ATP10D: variants seen among roughly 807,000 people sequenced by gnomAD.
ATP10D encodes phospholipid-transporting ATPase VD.
In ATP10D, 89 loss-of-function variants were observed where a neutral mutation model predicts 144.8. The observed-to-expected ratio is 0.61, with a 90% CI of 0.52 to 0.73. ATP10D has a LOEUF of 0.73. Ranked by LOEUF, ATP10D falls within the 30% of genes least tolerant of loss-of-function variation. The pLI is 0.00. For synonymous variants in ATP10D, 571 were observed against 615.1 expected, an observed-to-expected ratio of 0.93 and a Z score of 1.06; for missense variants, 1,603 against 1,714.8, an observed-to-expected ratio of 0.93 and a Z score of 1.15.
intron 9 of ATP10D, among the ~76,000 whole-genome samples, chr4:47,540,102 G>A (rs998679983): frequency 6.6e-6 from 1 of 152,142 alleles, no homozygotes; most frequent in Non-Finnish European, 1.5e-5. Flanking sequence ...AAACACATGT[G>A]TATACACACA....
chr4:47,514,636 A>G (rs985601591), intron 2 of ATP10D, among the ~76,000 whole-genome samples: 3 of 152,184 alleles, frequency 2.0e-5, no homozygotes, highest in Non-Finnish European at 4.4e-5. Context: ...TTGAATATAT[A>G]AAGTAGAAGA....
At chr4:47,525,730 T>A in intron 5 of ATP10D, 88 bp downstream of exon 5, 1 of 1,114,614 alleles carries the variant, frequency 9.0e-7, no homozygotes, top group Non-Finnish European at 1.3e-6. Flanking sequence ...TCTGTGCTTA[T>A]ACCCTTGTTA....
At position 47,512,671 on chromosome 4, in the gene ATP10D, C is replaced by G; in HGVS notation, c.131C>G (p.Pro44Arg). 6.2e-7 allele frequency: 1 copy of G among 1,614,170 alleles called. No individual in the cohort carries two copies. Among genetic ancestry groups the G allele is most frequent in the Non-Finnish European group, 8.5e-7 (1 of 1,180,024 alleles). ...LACGRKSSQT[P>R]KLSGRHRIVV... is the part of the protein sequence containing the mutation. ...TGTGGGCGCAAGTCCTCTCAGACCC[C>G]TAAACTGTCAGGAAGGCACCGGATT... The change falls in exon 2 of 23, where the codon CCT (proline) becomes CGT (arginine). Residue 44 changes from proline (P) to arginine (R), a missense_variant. Physicochemically the swap from Pro to Arg is moderately radical, Grantham distance 103. Coordinates refer to ENST00000273859, the MANE Select transcript of ATP10D (RefSeq NM_020453.4).
intron 4 of ATP10D, among the ~76,000 whole-genome samples, chr4:47,525,251 T>G (rs1291983309): frequency 6.6e-6 from 1 of 152,220 alleles, no homozygotes; most frequent in African/African-American, 2.4e-5. Flanking sequence ...AGTTTTTCAG[T>G]GCTTTATTGA....
intron 15 of ATP10D, among the ~76,000 whole-genome samples, chr4:47,567,372 A>G (rs1451186025): frequency 6.6e-6 from 1 of 152,204 alleles, no homozygotes; most frequent in Non-Finnish European, 1.5e-5. Context: ...AGAGTACAAA[A>G]CCCTTTATAA....
intron 11 of ATP10D, among the ~76,000 whole-genome samples, chr4:47,555,716 C>T (rs76482552): frequency 0.019 from 2,837 of 151,976 alleles, 91 homozygotes; most frequent in African/African-American, 0.065. Context: ...CAAAATATAC[C>T]GTATTGGATT....
At chr4:47,502,332 G>A (rs1459400216) in intron 1 of ATP10D, among the ~76,000 whole-genome samples, 1 of 152,136 alleles carries the variant, frequency 6.6e-6, no homozygotes, top group Non-Finnish European at 1.5e-5. Flanking sequence ...TTAGCTGGGC[G>A]TGGTGGCGGG....
At chr4:47,566,310 C>A (rs888408577) in intron 15 of ATP10D, among the ~76,000 whole-genome samples, 1 of 152,110 alleles carries the variant, frequency 6.6e-6, no homozygotes, top group African/African-American at 2.4e-5. Context: ...ATAGTCATAT[C>A]CTGTTTGTAA....
rs1716587958 is a variant in ATP10D at position 47,515,516 on chromosome 4, TG to T, written c.334del (p.Val112TyrfsTer4). 6.2e-7 allele frequency: 1 copy of T among 1,613,992 alleles called. No individual in the cohort carries two copies. Among genetic ancestry groups the T allele is most frequent in the Admixed American group, 1.7e-5 (1 of 60,022 alleles). On this transcript the variant is annotated frameshift_variant, in exon 3 of 23. Coordinates refer to ENST00000273859, the MANE Select transcript of ATP10D (RefSeq NM_020453.4). LOFTEE classifies it high-confidence loss of function. ...TTTCCTGTTCCTAGTTGTCCTGAAC[TG>T]GGTACCTTTGGTAGAAGCCTTCCAA... ...LYFLFLVVLNWVPLVEAFQKE... is the reference protein window; with the variant it reads ...LYFLFLVVLNXVPLVEAFQKE...
chr4:47,519,497 G>A (rs1716840454), intron 3 of ATP10D, among the ~76,000 whole-genome samples: 1 of 152,170 alleles, frequency 6.6e-6, no homozygotes, highest in African/African-American at 2.4e-5. Flanking sequence ...CCTCTTACTA[G>A]TTTTAATTAT....
At position 47,558,160 on chromosome 4, in the gene ATP10D, C is replaced by T. The variant is rs1391680586; in HGVS notation, c.2321C>T (p.Ser774Leu). The T allele has an allele frequency of 6.2e-7, 1 of 1,614,070 alleles. No individual in the cohort carries two copies. Among genetic ancestry groups the T allele is most frequent in the Non-Finnish European group, 8.5e-7 (1 of 1,180,054 alleles). ...CTCCTACACATCCTGCCCTTTGACTCAGTAAGAAAAAGAATGTCTGTTGTG... is the reference window on the plus strand; with the variant it reads ...CTCCTACACATCCTGCCCTTTGACTTAGTAAGAAAAAGAATGTCTGTTGTG... ...FQLLHILPFD[S>L]VRKRMSVVVR... The change falls in exon 12 of 23, where the codon TCA becomes TTA. Residue 774 changes from serine (S) to leucine (L), a missense_variant. By Grantham distance (145) the Ser-to-Leu change is moderately radical. Transcript: ENST00000273859.
chr4:47,508,043 TA>T (rs1716117059), intron 1 of ATP10D, among the ~76,000 whole-genome samples: 1 of 152,172 alleles, frequency 6.6e-6, no homozygotes, highest in South Asian at 2.1e-4. Flanking sequence ...CCAGATCCTC[TA>T]AATCAGAATC....
intron 22 of ATP10D, 21 bp downstream of exon 22, chr4:47,587,227 T>C: frequency 1.9e-6 from 3 of 1,588,472 alleles, no homozygotes; most frequent in South Asian, 2.3e-5. Flanking sequence ...TATTTTATCA[T>C]TGAGAGAATA....
chr4:47,489,036 G>A (rs1714930600), intron 1 of ATP10D, among the ~76,000 whole-genome samples: 2 of 152,268 alleles, frequency 1.3e-5, no homozygotes, highest in Non-Finnish European at 2.9e-5. Flanking sequence ...CTAGTTTATG[G>A]TAATTTGTTA....
chr4:47,578,386 T>G (rs1720343938), intron 19 of ATP10D: 1 of 152,218 alleles, frequency 6.6e-6, no homozygotes, highest in African/African-American at 2.4e-5. Flanking sequence ...CCATCTCTCA[T>G]CACCCACAAT....
At chr4:47,569,336 C>T (rs368547318) in intron 16 of ATP10D, among the ~76,000 whole-genome samples, 190 bp downstream of exon 16, 2 of 152,228 alleles carry the variant, frequency 1.3e-5, no homozygotes, top group East Asian at 1.9e-4. Flanking sequence ...TTCTGTGAAC[C>T]AGGTAATAGG....
At chr4:47,534,630 C>G (rs1717742602) in intron 5 of ATP10D, among the ~76,000 whole-genome samples, 1 of 152,142 alleles carries the variant, frequency 6.6e-6, no homozygotes, top group Non-Finnish European at 1.5e-5. Flanking sequence ...TTGATTTTAG[C>G]AGCCATCGCT....
At chr4:47,505,335 C>A (rs1715962848) in intron 1 of ATP10D, among the ~76,000 whole-genome samples, 1 of 152,130 alleles carries the variant, frequency 6.6e-6, no homozygotes, top group Admixed American at 6.5e-5. Context: ...AGGGTGTGGT[C>A]CCCAGGACCA....
intron 2 of ATP10D, 69 bp from the exon 3 acceptor site, chr4:47,515,407 G>A: frequency 8.0e-7 from 1 of 1,244,016 alleles, no homozygotes; most frequent in South Asian, 1.4e-5. Flanking sequence ...AAACAATATA[G>A]TACTTTGCCT....
Sources: gnomAD v4.1 joint callset for allele counts (sites outside exome capture counted in the v4.1 genomes callset) on GRCh38, gnomAD v4.1.1 for gene constraint, MANE v1.5 for transcripts, NCBI Gene and HGNC (gene_info 2026-07-23, HGNC 2026-07-21) for gene names.